The following MYO10 variants were observed in gnomAD, a reference collection of about 807,000 sequenced individuals.
MYO10 encodes myosin X.
In MYO10, 133 loss-of-function variants were observed where a neutral mutation model predicts 257.3. The ratio of observed to expected loss-of-function variants is 0.52; its 90% CI spans 0.45 to 0.60. MYO10 has a LOEUF of 0.60. Among genes scored for constraint, MYO10 ranks in the 20% least tolerant of loss-of-function variants. The pLI is 0.00. For synonymous variants in MYO10, 1,104 were observed against 1,028.6 expected (o/e 1.07, Z -1.40); for missense variants, 2,399 against 2,635.7 (o/e 0.91, Z 1.97).
rs1333946413 is a variant in MYO10 at position 16,663,177 on chromosome 5, G to A, written c.*3515C>T. The A allele has an allele frequency of 6.6e-6, 1 of 151,906 alleles. No individual in the cohort carries two copies. Among genetic ancestry groups the A allele is most frequent in the Non-Finnish European group, 1.5e-5 (1 of 68,002 alleles). The allele number at this position is 151,906 out of a possible 1,614,324, so 9.4% of individuals were successfully genotyped here. ...TTTCCATCTATTAAAAATGAGGATGGGGATATATATGTATGTATGAGTAAA... is the reference window on the plus strand; with the variant it reads ...TTTCCATCTATTAAAAATGAGGATGAGGATATATATGTATGTATGAGTAAA... On this transcript the variant is annotated 3_prime_UTR_variant, in exon 41 of 41. Transcript: ENST00000513610.
Position 16,666,587 on chromosome 5 carries a change from TG to T in MYO10, c.*104del. On this transcript the variant is annotated 3_prime_UTR_variant, in exon 41 of 41. Transcript: ENST00000513610. Reference sequence around the variant, plus strand: ...TCAGACCAGAAGCTTCCAGAAAGCCTGGGCAGCTCTGTGTTTGTTTTGGCTG... The same window carrying T: ...TCAGACCAGAAGCTTCCAGAAAGCCTGGCAGCTCTGTGTTTGTTTTGGCTG... The T allele has an allele frequency of 1.1e-6, 1 of 915,318 alleles. No homozygotes were observed. Among genetic ancestry groups the T allele is most frequent in the Non-Finnish European group, 1.6e-6 (1 of 619,412 alleles). 56.7% of individuals were successfully genotyped at this position (915,318 alleles called of 1,614,324 possible).
At chr5:16,766,824 C>T (rs1282749078) in intron 10 of MYO10, among the ~76,000 whole-genome samples, 2 of 142,538 alleles carry the variant, frequency 1.4e-5, no homozygotes, top group African/African-American at 5.2e-5. Flanking sequence ...GGCTGGAGTA[C>T]GGTGGCATGA....
chr5:16,675,303 A>T (rs1160076958), intron 34 of MYO10, among the ~76,000 whole-genome samples, 153 bp from the exon 35 acceptor site: 1 of 152,170 alleles, frequency 6.6e-6, no homozygotes, highest in African/African-American at 2.4e-5. Context: ...TTGAACACAG[A>T]TCTAAAAGCA....
At chr5:16,744,890 T>C (rs1270888871) in intron 19 of MYO10, among the ~76,000 whole-genome samples, 1 of 152,196 alleles carries the variant, frequency 6.6e-6, no homozygotes, top group Non-Finnish European at 1.5e-5. Context: ...CAGAGGCTGT[T>C]TACTGGAGCA....
rs985131249 is a variant in MYO10 at position 16,743,822 on chromosome 5, CACAG to C, written c.1929+11002_1929+11005del. The stretch of plus-strand genomic sequence containing the variant: ...TGTCAAAAGTCAAAGAACCATACAA[CACAG>C]ACAGTGGACTCCTAATATCAACTTT... On this transcript the variant is annotated intron_variant, in intron 19 of 40. Coordinates refer to ENST00000513610, the MANE Select transcript of MYO10 (RefSeq NM_012334.3). Among the ~76,000 whole-genome samples, 77 of 152,150 alleles carry C rather than the reference CACAG, an allele frequency of 5.1e-4. 2 individuals are homozygous for C. Among genetic ancestry groups the C allele is most frequent in the African/African-American group, 1.9e-3 (77 of 41,422 alleles).
intron 4 of MYO10, among the ~76,000 whole-genome samples, chr5:16,792,651 C>G (rs250355): frequency 0.35 from 52,749 of 151,958 alleles, 10,672 homozygotes; most frequent in Non-Finnish European, 0.45. Flanking sequence ...CTGCTTTTCT[C>G]CACCATCTGG....
chr5:16,794,340 T>A (rs550972814), intron 4 of MYO10, among the ~76,000 whole-genome samples: 1 of 149,192 alleles, frequency 6.7e-6, no homozygotes, highest in South Asian at 2.1e-4. Context: ...TGCCTCATCA[T>A]TGAAATAAAT....
intron 2 of MYO10, among the ~76,000 whole-genome samples, chr5:16,834,290 A>G (rs755214071): frequency 6.6e-6 from 1 of 152,102 alleles, no homozygotes. Context: ...GTAATCATCA[A>G]TCAAGGAGAG....
At chr5:16,672,873 A>G in intron 36 of MYO10, 48 bp from the exon 37 acceptor site, 7 of 1,590,750 alleles carry the variant, frequency 4.4e-6, no homozygotes, top group Non-Finnish European at 6.0e-6. Context: ...TGCGGCCCCA[A>G]CACGTGTTCC....
At chr5:16,784,012 G>A (rs745584507) in intron 4 of MYO10, among the ~76,000 whole-genome samples, 53 of 152,210 alleles carry the variant, frequency 3.5e-4, no homozygotes, top group Non-Finnish European at 4.7e-4. Flanking sequence ...CTGAGTGTCC[G>A]AGTTGGACTC....
intron 8 of MYO10, among the ~76,000 whole-genome samples, chr5:16,779,916 T>C (rs1275546545): frequency 5.3e-5 from 8 of 152,334 alleles, no homozygotes; most frequent in South Asian, 2.1e-4. Flanking sequence ...TTTTTCTTTT[T>C]AATGAAACAG....
intron 2 of MYO10, among the ~76,000 whole-genome samples, chr5:16,826,195 G>T (rs575615525): frequency 6.6e-6 from 1 of 151,914 alleles, no homozygotes; most frequent in Non-Finnish European, 1.5e-5. Flanking sequence ...ACAAAAAAGA[G>T]TGGAATAAGA....
At chr5:16,776,430 T>C (rs918095937) in intron 9 of MYO10, among the ~76,000 whole-genome samples, 47 of 152,220 alleles carry the variant, frequency 3.1e-4, no homozygotes, top group Admixed American at 6.6e-5. Context: ...TAAGTTTTCA[T>C]TGATACACCT....
At chr5:16,933,621 GT>G (rs1236478275) in intron 1 of MYO10, among the ~76,000 whole-genome samples, 2 of 152,172 alleles carry the variant, frequency 1.3e-5, no homozygotes, top group East Asian at 3.8e-4. Flanking sequence ...CACACTCGCT[GT>G]TTCTATTCTA....
intron 19 of MYO10, 121 bp from the exon 20 acceptor site, chr5:16,711,366 T>C: frequency 1.9e-6 from 2 of 1,042,572 alleles, no homozygotes; most frequent in Admixed American, 2.6e-5. Flanking sequence ...ACGAGAATCT[T>C]GAACCTACAC....
chr5:16,776,770 A>G (rs1741224497), intron 9 of MYO10, among the ~76,000 whole-genome samples: 1 of 152,212 alleles, frequency 6.6e-6, no homozygotes, highest in African/African-American at 2.4e-5. Flanking sequence ...CAGAGTACCA[A>G]CGGAGTATCT....
intron 1 of MYO10, among the ~76,000 whole-genome samples, chr5:16,913,089 T>G (rs893468133): frequency 6.6e-6 from 1 of 152,070 alleles, no homozygotes; most frequent in Non-Finnish European, 1.5e-5. Flanking sequence ...CTTTTGTGAC[T>G]GACATCAAAC....
intron 27 of MYO10, 31 bp from the exon 28 acceptor site, chr5:16,689,950 T>A: frequency 6.8e-7 from 1 of 1,471,994 alleles, no homozygotes; most frequent in Non-Finnish European, 9.5e-7. Flanking sequence ...CAAACGCACA[T>A]CAGGAACACC....
chr5:16,796,432 A>ACG (rs1491505643), intron 3 of MYO10, among the ~76,000 whole-genome samples: 855 of 56,376 alleles, frequency 0.015, 10 homozygotes, highest in African/African-American at 0.06. Context: ...AAAAAGAAAG[A>ACG]AAAGAAAGAC....
Sources: gnomAD v4.1 joint callset for allele counts (sites outside exome capture counted in the v4.1 genomes callset) on GRCh38, gnomAD v4.1.1 for gene constraint, MANE v1.5 for transcripts, NCBI Gene and HGNC (gene_info 2026-07-23, HGNC 2026-07-21) for gene names.